The following HDAC2 variants were observed in gnomAD, a reference collection of about 807,000 sequenced individuals.
HDAC2 encodes the protein histone deacetylase 2, also known as YY1-associated factor 1.
In HDAC2, 5 loss-of-function variants were observed where a neutral mutation model predicts 68.5. That is an observed-to-expected ratio of 0.07 (90% CI 0.04 to 0.15). HDAC2 has a LOEUF of 0.15. HDAC2 is among the 10% of genes least tolerant of loss of function. HDAC2 has a pLI of 1.00. For missense variants in HDAC2, 291 were observed against 600.8 expected (o/e 0.48, Z 5.39); for synonymous variants, 182 against 191.3 (o/e 0.95, Z 0.40).
intron 6 of HDAC2, among the ~76,000 whole-genome samples, chr6:113,949,906 C>T (rs1262887476): frequency 2.0e-5 from 3 of 152,070 alleles, no homozygotes; most frequent in Non-Finnish European, 4.4e-5. Context: ...CTCAGCCTAC[C>T]GAGTGGCTGG....
At chr6:113,969,081 G>T (rs1049187045) in intron 1 of HDAC2, among the ~76,000 whole-genome samples, 1 of 152,130 alleles carries the variant, frequency 6.6e-6, no homozygotes, top group Non-Finnish European at 1.5e-5. Context: ...TATACGCAGG[G>T]TTACTTCCTT....
rs1348993903 is a variant in HDAC2, at chr6:113,937,462, T to C, written c.*3596A>G. 2.6e-5 allele frequency: 4 copies of C among 152,218 alleles called. No homozygotes were observed. Among genetic ancestry groups the C allele is most frequent in the African/African-American group, 9.6e-5 (4 of 41,464 alleles). The allele number at this position is 152,218 out of a possible 1,614,324, so 9.4% of individuals were successfully genotyped here. ...CCCATGCCATAGAGAACTGAGACAA[T>C]GTGGCACCTTCATTAAATGAATTAA... On this transcript the variant is annotated 3_prime_UTR_variant, in exon 14 of 14. Coordinates refer to ENST00000519065, the MANE Select transcript of HDAC2 (RefSeq NM_001527.4).
chr6:113,949,102 A>T lies in HDAC2; in HGVS notation c.733-15T>A, dbSNP rs768340698. On this transcript the variant is annotated splice_polypyrimidine_tract_variant and intron_variant, in intron 7 of 13. Transcript: ENST00000519065. ...TTTGAGATAATCTACACACAAGATA[A>T]CAAATGTTAGCATCTCCAATAACAT... 1 of 1,612,068 alleles carries T rather than the reference A, an allele frequency of 6.2e-7. No individual in the cohort carries two copies. The highest frequency in any genetic ancestry group is 1.7e-5 in the Admixed American group (1 of 60,006).
Position 113,933,631 on chromosome 6 carries a change from T to C in HDAC2, c.*7427A>G, listed in dbSNP as rs1422058239. 1 of 151,974 alleles carries C rather than the reference T, an allele frequency of 6.6e-6. No individual in the cohort carries two copies. The highest frequency in any genetic ancestry group is 2.4e-5 in the African/African-American group (1 of 41,338). 9.4% of individuals were successfully genotyped at this position (151,974 alleles called of 1,614,324 possible). A position where few individuals can be genotyped will look rare whatever the true frequency, so the allele number is the denominator to read the frequency against. On this transcript the variant is annotated 3_prime_UTR_variant, in exon 14 of 14. Coordinates refer to ENST00000519065, the MANE Select transcript of HDAC2 (RefSeq NM_001527.4). The stretch of plus-strand genomic sequence containing the variant: ...GCTTTATTTATGTGTTAGGCACTGT[T>C]CTAGACACTGGAGATTAATCCCCAG...
rs144626752 is a variant in HDAC2, at chr6:113,950,804, T to C, written c.640-1544A>G. Among the ~76,000 whole-genome samples, 270 of 152,262 alleles carry C rather than the reference T, an allele frequency of 1.8e-3. 1 individual carries two copies. The highest frequency in any genetic ancestry group is 0.01 in the Middle Eastern group (3 of 294). ...TGTGCAAGTTCTTCTGAACCTCTCATGGAATGATCTTAGCTTCAGTCCAAT... is the reference window on the plus strand; with the variant it reads ...TGTGCAAGTTCTTCTGAACCTCTCACGGAATGATCTTAGCTTCAGTCCAAT... On this transcript the variant is annotated intron_variant, in intron 6 of 13. Coordinates refer to ENST00000519065, the MANE Select transcript of HDAC2 (RefSeq NM_001527.4).
intron 6 of HDAC2, among the ~76,000 whole-genome samples, chr6:113,950,089 GTTC>G (rs538801788): frequency 4.1e-4 from 63 of 152,170 alleles, no homozygotes; most frequent in African/African-American, 1.4e-3. Flanking sequence ...CCTCAGATTT[GTTC>G]TTAATTGGAC....
chr6:113,965,637 C>T (rs552715178), intron 1 of HDAC2, among the ~76,000 whole-genome samples: 53 of 152,318 alleles, frequency 3.5e-4, no homozygotes, highest in African/African-American at 1.3e-3. Flanking sequence ...TCCCAAAGTG[C>T]TGGGATTATA....
intron 5 of HDAC2, among the ~76,000 whole-genome samples, chr6:113,953,881 CCAAAA>C (rs1337836242): frequency 2.0e-5 from 3 of 152,096 alleles, no homozygotes; most frequent in Non-Finnish European, 4.4e-5. Flanking sequence ...AAAAACAAAA[CCAAAA>C]CAAGAGTATT....
rs537251067 is a variant in HDAC2 at position 113,941,102 on chromosome 6, C to A, written c.1437-14G>T. On this transcript the variant is annotated splice_polypyrimidine_tract_variant and intron_variant, in intron 13 of 13. Transcript: ENST00000519065. ...TCTGATTTGGTTCTGTTAAAAGAGGCAATGTGAAATATTAAAAATGGCACA... is the reference window on the plus strand; with the variant it reads ...TCTGATTTGGTTCTGTTAAAAGAGGAAATGTGAAATATTAAAAATGGCACA... 18 of 1,604,694 alleles carry A rather than the reference C, an allele frequency of 1.1e-5. No individual in the cohort carries two copies. The Admixed American group carries it at 1.7e-4, about 15-fold the overall frequency.
At chr6:113,941,831 CAA>C (rs759132804) in intron 12 of HDAC2, 66 bp from the exon 13 acceptor site, 26 of 466,082 alleles carry the variant, frequency 5.6e-5, no homozygotes, top group Non-Finnish European at 8.4e-5. Context: ...TATATTATTT[CAA>C]AATATACTTT....
chr6:113,970,336 A>G (rs1393833038), intron 1 of HDAC2: 1 of 440,920 alleles, frequency 2.3e-6, no homozygotes, highest in African/African-American at 2.1e-5. Flanking sequence ...AGGGGAGGCG[A>G]GCAGGCGAGG....
intron 6 of HDAC2, among the ~76,000 whole-genome samples, chr6:113,951,563 G>C (rs1776417763): frequency 6.6e-6 from 1 of 150,998 alleles, no homozygotes; most frequent in African/African-American, 2.4e-5. Context: ...CGCCTCCCGG[G>C]TTCACGCCAT....
In HDAC2 at chr6:113,940,403, T is replaced by C. The variant is rs1776103547; in HGVS notation, c.*655A>G. ...TCAATTCAGAATTTCCATTTCAATT[T>C]TGAGAATCTTTGGGTCAACTCAAAG... On this transcript the variant is annotated 3_prime_UTR_variant, in exon 14 of 14. Transcript: ENST00000519065. 6.6e-6 allele frequency: 1 copy of C among 152,340 alleles called. No individual in the cohort carries two copies. Among genetic ancestry groups the C allele is most frequent in the African/African-American group, 2.4e-5 (1 of 41,586 alleles). 9.4% of individuals were successfully genotyped at this position (152,340 alleles called of 1,614,324 possible).
intron 6 of HDAC2, among the ~76,000 whole-genome samples, chr6:113,950,419 C>T (rs546514228): frequency 2.0e-5 from 3 of 151,498 alleles, no homozygotes; most frequent in South Asian, 2.1e-4. Context: ...CCTGCTCTGT[C>T]GCCCAGGATG....
intron 8 of HDAC2, 131 bp from the exon 9 acceptor site, chr6:113,946,279 A>T (rs1352778541): frequency 1.6e-6 from 1 of 626,504 alleles, no homozygotes; most frequent in African/African-American, 1.9e-5. Flanking sequence ...AAAAACAAAT[A>T]AAAATGTAAA....
chr6:113,954,049 A>G (rs1201691549), intron 5 of HDAC2, among the ~76,000 whole-genome samples: 1 of 152,248 alleles, frequency 6.6e-6, no homozygotes, highest in Non-Finnish European at 1.5e-5. Flanking sequence ...TGGTACTCTC[A>G]TGACTTCAAA....
intron 8 of HDAC2, 145 bp from the exon 9 acceptor site, chr6:113,946,293 T>G: frequency 1.6e-6 from 1 of 614,216 alleles, no homozygotes; most frequent in Non-Finnish European, 2.7e-6. Flanking sequence ...ATGTAAAAAA[T>G]GTCAAGTCTA....
intron 8 of HDAC2, 174 bp from the exon 9 acceptor site, chr6:113,946,322 G>A (rs1360214434): frequency 1.9e-5 from 10 of 523,396 alleles, no homozygotes; most frequent in African/African-American, 3.8e-5. Flanking sequence ...TTCCAAACAC[G>A]TTATACAATA....
chr6:113,964,263 A>C (rs1325479584), intron 1 of HDAC2, among the ~76,000 whole-genome samples: 1 of 151,500 alleles, frequency 6.6e-6, no homozygotes, highest in African/African-American at 2.4e-5. Context: ...AGACTCAGGA[A>C]AAAAAAAACA....
Sources: gnomAD v4.1 joint callset for allele counts (sites outside exome capture counted in the v4.1 genomes callset) on GRCh38, gnomAD v4.1.1 for gene constraint, MANE v1.5 for transcripts, NCBI Gene and HGNC (gene_info 2026-07-23, HGNC 2026-07-21) for gene names.